Variants in GABRA4 observed in about 807,000 individuals in gnomAD.
GABRA4 encodes gamma-aminobutyric acid receptor subunit alpha-4.
In GABRA4, 12 loss-of-function variants were observed where a neutral mutation model predicts 49.7. That is an observed-to-expected ratio of 0.24 (90% confidence interval 0.15 to 0.39). GABRA4 has a LOEUF of 0.39. GABRA4 is among the 10% of genes least tolerant of loss of function. The pLI is 1.00. For synonymous variants in GABRA4, 288 were observed against 240.2 expected, an observed-to-expected ratio of 1.20 and a Z score of -1.84; for missense variants, 506 against 686.0, an observed-to-expected ratio of 0.74 and a Z score of 2.93.
chr4:46,992,715 G>T (rs1723802828), intron 2 of GABRA4, 113 bp downstream of exon 2: 1 of 799,332 alleles, frequency 1.3e-6, no homozygotes, highest in Non-Finnish European at 2.2e-6. Flanking sequence ...GAAAGAGAGA[G>T]AGATTTATTT....
rs948146389 is a variant in GABRA4 at position 46,923,151 on chromosome 4, G to C, written c.*5074C>G. On this transcript the variant is annotated 3_prime_UTR_variant, in exon 9 of 9. Coordinates refer to ENST00000264318, the MANE Select transcript of GABRA4 (RefSeq NM_000809.4). ...GGGACTATTGTATAGAGACAAAAGG[G>C]ATTTGACATAATTGGCATTTCTTAA... The C allele has an allele frequency of 6.6e-6, 1 of 151,788 alleles. No individual in the cohort carries two copies. The allele number at this position is 151,788 out of a possible 1,614,324, so 9.4% of individuals were successfully genotyped here. A position where few individuals can be genotyped will look rare whatever the true frequency, so the allele number is the denominator to read the frequency against.
chr4:46,983,793 C>A (rs1723439413), intron 2 of GABRA4, among the ~76,000 whole-genome samples: 1 of 151,920 alleles, frequency 6.6e-6, no homozygotes, highest in African/African-American at 2.4e-5. Flanking sequence ...GGATTTCTTC[C>A]CATAATTTGA....
chr4:46,971,807 C>T (rs944647561), intron 6 of GABRA4, among the ~76,000 whole-genome samples: 2 of 150,700 alleles, frequency 1.3e-5, no homozygotes, highest in African/African-American at 4.8e-5. Context: ...AGGTGAATTT[C>T]TAAATGTTCT....
At position 46,928,627 on chromosome 4, in the gene GABRA4, A is replaced by T; in HGVS notation, c.1263T>A (p.Ser421=). Residue 421 remains serine (S), a synonymous_variant, in exon 9 of 9, where the codon TCT becomes TCA. Coordinates refer to ENST00000264318, the MANE Select transcript of GABRA4 (RefSeq NM_000809.4). ...SKSSTVVQES[S]KGTPRSYLAS... The stretch of plus-strand genomic sequence containing the variant: ...CTAAGTAAGACCGAGGTGTGCCTTT[A>T]GAAGATTCTTGAACAACTGTGGAAG... 1 of 1,613,746 alleles carries T rather than the reference A, an allele frequency of 6.2e-7. No individual in the cohort carries two copies. Among genetic ancestry groups the T allele is most frequent in the East Asian group, 2.2e-5 (1 of 44,862 alleles).
Position 46,921,549 on chromosome 4 carries a change from A to G in GABRA4, c.*6676T>C, listed in dbSNP as rs1002695415. On this transcript the variant is annotated 3_prime_UTR_variant, in exon 9 of 9. Coordinates refer to ENST00000264318, the MANE Select transcript of GABRA4 (RefSeq NM_000809.4). ...GTCCTTCTCAATTTTCTAAGGTGCC[A>G]TACAGCTGGTTTAATCCAGATTTAA... 6 of 152,086 alleles carry G rather than the reference A, an allele frequency of 3.9e-5. No individual in the cohort carries two copies. The highest frequency in any genetic ancestry group is 1.4e-4 in the African/African-American group (6 of 41,424). The allele number at this position is 152,086 out of a possible 1,614,324, so 9.4% of individuals were successfully genotyped here.
Position 46,937,762 on chromosome 4 carries a change from T to C in GABRA4, c.1135-9007A>G, listed in dbSNP as rs543041994. Among the ~76,000 whole-genome samples the C allele has an allele frequency of 6.0e-4, 91 of 152,318 alleles. 1 individual carries two copies. In the South Asian group the frequency reaches 9.9e-3, roughly 17 times the overall value. ...ATTCCTCCAGGTAACTCTTGAGTTA[T>C]TTTCAGCACCTCTTAACCCAAATCA... On this transcript the variant is annotated intron_variant, in intron 8 of 8. Transcript: ENST00000264318.
chr4:46,969,930 T>C (rs1722890301), intron 7 of GABRA4, among the ~76,000 whole-genome samples: 2 of 151,432 alleles, frequency 1.3e-5, no homozygotes, highest in African/African-American at 4.8e-5. Flanking sequence ...CTCACTGCTT[T>C]CCTAAGATCA....
chr4:46,978,912 T>G, intron 3 of GABRA4, 119 bp downstream of exon 3: 1 of 705,816 alleles, frequency 1.4e-6, no homozygotes, highest in Non-Finnish European at 2.5e-6. Context: ...TAAGTTTAAT[T>G]AGGGATTCTT....
chr4:46,935,242 G>T (rs757319713), intron 8 of GABRA4, among the ~76,000 whole-genome samples: 5 of 152,066 alleles, frequency 3.3e-5, no homozygotes, highest in African/African-American at 4.8e-5. Flanking sequence ...TGCAAATACC[G>T]AATTTGTCAT....
chr4:46,959,707 G>C (rs1314731698), intron 8 of GABRA4, among the ~76,000 whole-genome samples: 1 of 130,228 alleles, frequency 7.7e-6, no homozygotes, highest in African/African-American at 2.8e-5. Flanking sequence ...GTACTTTGAA[G>C]TGTTTAGAAT....
rs184030505 is a variant in GABRA4 at position 46,957,223 on chromosome 4, G to A, written c.1134+7747C>T. On this transcript the variant is annotated intron_variant, in intron 8 of 8. Coordinates refer to ENST00000264318, the MANE Select transcript of GABRA4 (RefSeq NM_000809.4). ...CCATATCCTCAAGATCCTAGAGCTCGGTCAGAATGAGCCCCCAAAAGAAAA... is the reference window on the plus strand; with the variant it reads ...CCATATCCTCAAGATCCTAGAGCTCAGTCAGAATGAGCCCCCAAAAGAAAA... 3.5e-4 allele frequency among the ~76,000 whole-genome samples: 53 copies of A among 151,670 alleles called. No individual in the cohort carries two copies. In the East Asian group the frequency reaches 9.2e-3, roughly 26 times the overall value.
At chr4:46,946,679 G>C (rs1721991888) in intron 8 of GABRA4, among the ~76,000 whole-genome samples, 1 of 152,116 alleles carries the variant, frequency 6.6e-6, no homozygotes, top group African/African-American at 2.4e-5. Context: ...TTGATACCTA[G>C]TACAACGCCT....
intron 8 of GABRA4, among the ~76,000 whole-genome samples, chr4:46,943,376 G>C (rs1341681100): frequency 6.6e-6 from 1 of 151,944 alleles, no homozygotes. Context: ...CCCTTGCAAA[G>C]ACATTCAACA....
intron 2 of GABRA4, among the ~76,000 whole-genome samples, chr4:46,979,757 G>T (rs1232201913): frequency 6.6e-6 from 1 of 152,068 alleles, no homozygotes; most frequent in Non-Finnish European, 1.5e-5. Context: ...AAATGAAATT[G>T]CTGAAATAAG....
At position 46,965,040 on chromosome 4, in the gene GABRA4, G is replaced by A. The variant is rs1487564217; in HGVS notation, c.1064C>T (p.Thr355Ile). 1 of 1,611,880 alleles carries A rather than the reference G, an allele frequency of 6.2e-7. No individual in the cohort carries two copies. Among genetic ancestry groups the A allele is most frequent in the African/African-American group, 1.3e-5 (1 of 74,682 alleles). Reference sequence around the variant, plus strand: ...GGGAACTTCCTGAGGGGGCTTTGATGTCTTCCTTTTGGCTTTTTCCATTTG... The same window carrying A: ...GGGAACTTCCTGAGGGGGCTTTGATATCTTCCTTTTGGCTTTTTCCATTTG... ...NIQMEKAKRK[T>I]SKPPQEVPAA... Residue 355 changes from threonine (T) to isoleucine (I), a missense_variant, in exon 8 of 9, where the codon ACA (threonine) becomes ATA (isoleucine). This residue lies in a region of GABRA4 where 243 missense variants were observed against 210.8 expected (regional missense o/e 1.15). Coordinates refer to ENST00000264318, the MANE Select transcript of GABRA4 (RefSeq NM_000809.4).
intron 2 of GABRA4, 119 bp from the exon 3 acceptor site, chr4:46,979,217 C>A (rs1723262652): frequency 3.2e-6 from 2 of 634,234 alleles, no homozygotes; most frequent in Non-Finnish European, 5.6e-6. Flanking sequence ...AAGCATCTTA[C>A]ATTTTCAGTG....
chr4:46,981,050 A>G (rs1231321174), intron 2 of GABRA4, among the ~76,000 whole-genome samples: 2 of 152,054 alleles, frequency 1.3e-5, no homozygotes, highest in Admixed American at 6.6e-5. Flanking sequence ...CAGATTGTTG[A>G]ACTCCACACC....
rs1039497062 is a variant in GABRA4 at position 46,924,335 on chromosome 4, T to C, written c.*3890A>G. ...TATCTTGATTATTGAAGTTTTGATG[T>C]CCCCATATATATTTGTGCCTGAGAT... On this transcript the variant is annotated 3_prime_UTR_variant, in exon 9 of 9. Coordinates refer to ENST00000264318, the MANE Select transcript of GABRA4 (RefSeq NM_000809.4). 3 of 152,150 alleles carry C rather than the reference T, an allele frequency of 2.0e-5. No homozygotes were observed. The highest frequency in any genetic ancestry group is 7.2e-5 in the African/African-American group (3 of 41,462). The allele number at this position is 152,150 out of a possible 1,614,324, so 9.4% of individuals were successfully genotyped here.
chr4:46,948,288 C>G (rs1027575761), intron 8 of GABRA4, among the ~76,000 whole-genome samples: 1 of 152,082 alleles, frequency 6.6e-6, no homozygotes, highest in South Asian at 2.1e-4. Context: ...TTTGTTTATC[C>G]TTTGGAAACC....
Sources: allele counts gnomAD v4.1 joint callset (sites outside exome capture counted in the v4.1 genomes callset), GRCh38; gene constraint gnomAD v4.1.1; regional missense constraint gnomAD v4.1.1; transcripts MANE v1.5; gene names NCBI Gene and HGNC (gene_info 2026-07-23, HGNC 2026-07-21).